The following CWC25 variants were observed in gnomAD, a reference collection of about 807,000 sequenced individuals.
CWC25 encodes the protein CWC25 spliceosome associated protein.
In CWC25, 31 loss-of-function variants were observed where a neutral mutation model predicts 54.6. That is an observed-to-expected ratio of 0.57 (90% CI 0.43 to 0.77). The LOEUF is 0.77. CWC25 is among the 30% of genes least tolerant of loss of function. CWC25 has a pLI of 0.00. For synonymous variants in CWC25, 151 were observed against 187.0 expected, an observed-to-expected ratio of 0.81 and a Z score of 1.57; for missense variants, 453 against 529.3, an observed-to-expected ratio of 0.86 and a Z score of 1.41.
chr17:38,804,799 CAAA>C (rs4042818), intron 8 of CWC25, among the ~76,000 whole-genome samples: 5,394 of 64,696 alleles, frequency 0.083, 230 homozygotes, highest in African/African-American at 0.25. Context: ...CAGAGCGAGA[CAAA>C]AAAAAAAAAA....
chr17:38,823,016 T>A (rs1169296904), intron 1 of CWC25, among the ~76,000 whole-genome samples: 4 of 151,680 alleles, frequency 2.6e-5, no homozygotes. Flanking sequence ...TTTTTTTGTA[T>A]TTTTAGTAGA....
In CWC25 at chr17:38,815,418, G is replaced by A. The variant is rs974593537; in HGVS notation, c.192-321C>T. On this transcript the variant is annotated intron_variant, in intron 2 of 9. Coordinates refer to ENST00000614790, the MANE Select transcript of CWC25 (RefSeq NM_017748.5). Reference sequence around the variant, plus strand: ...TAAAAATACAAAACATTAGCCAGGCGTGGTGGCGGACGCCTGTAATCCCAC... The same window carrying A: ...TAAAAATACAAAACATTAGCCAGGCATGGTGGCGGACGCCTGTAATCCCAC... Among the ~76,000 whole-genome samples the A allele has an allele frequency of 3.9e-5, 6 of 152,260 alleles. 1 individual carries two copies. The South Asian group carries it at 8.3e-4, about 21-fold the overall frequency.
chr17:38,814,255 GTATT>G (rs946483929), intron 3 of CWC25, among the ~76,000 whole-genome samples: 12 of 151,540 alleles, frequency 7.9e-5, no homozygotes, highest in Non-Finnish European at 8.8e-5. Context: ...CACTTTGACT[GTATT>G]TATTTATTTA....
At chr17:38,824,324 G>C (rs228257) in intron 1 of CWC25, among the ~76,000 whole-genome samples, 144,027 of 152,298 alleles carry the variant, frequency 0.95, 68,156 homozygotes, top group East Asian at 1. Flanking sequence ...TGCCACTACA[G>C]ATCAGAATCC....
At chr17:38,817,421 C>T (rs1911748553) in intron 2 of CWC25, among the ~76,000 whole-genome samples, 1 of 150,874 alleles carries the variant, frequency 6.6e-6, no homozygotes, top group Non-Finnish European at 1.5e-5. Context: ...GAGGCCTAGG[C>T]GGGCAGATCA....
chr17:38,804,860 A>G (rs189580928), intron 8 of CWC25, among the ~76,000 whole-genome samples: 2 of 149,330 alleles, frequency 1.3e-5, no homozygotes, highest in Non-Finnish European at 3.0e-5. Flanking sequence ...TAATCCCAGC[A>G]CTCTGGGAGG....
intron 1 of CWC25, among the ~76,000 whole-genome samples, chr17:38,824,516 G>A (rs1279647304): frequency 6.6e-6 from 1 of 151,970 alleles, no homozygotes; most frequent in African/African-American, 2.4e-5. Flanking sequence ...GAGAAACCCT[G>A]TCTCTACTAA....
chr17:38,816,394 C>T (rs1406699924), intron 2 of CWC25, among the ~76,000 whole-genome samples: 1 of 151,538 alleles, frequency 6.6e-6, no homozygotes, highest in Non-Finnish European at 1.5e-5. Context: ...TACAGGGATG[C>T]ACCACCATGC....
At chr17:38,802,283 T>TG in intron 9 of CWC25, 77 bp from the exon 10 acceptor site, 1 of 997,598 alleles carries the variant, frequency 1.0e-6, no homozygotes, top group Non-Finnish European at 1.5e-6. Context: ...TCAGAAGAAA[T>TG]GGGTTGTTAG....
In CWC25 at chr17:38,810,381, C is replaced by G. The variant is rs150489917; in HGVS notation, c.626+87G>C. ...ATGCCCAGTACCTGGCAGCTTCCAG[C>G]ACAGGGCAGGTGTTCATGTCTGTGG... is the stretch of plus-strand genomic sequence containing the variant. On this transcript the variant is annotated intron_variant, in intron 5 of 9. Transcript: ENST00000614790. 162 of 1,388,270 alleles carry G rather than the reference C, an allele frequency of 1.2e-4. No homozygotes were observed. In the African/African-American group the frequency reaches 1.9e-3, roughly 16 times the overall value. 86.0% of individuals were successfully genotyped at this position (1,388,270 alleles called of 1,614,324 possible).
At chr17:38,821,542 G>A (rs1567676410) in intron 1 of CWC25, among the ~76,000 whole-genome samples, 1 of 152,178 alleles carries the variant, frequency 6.6e-6, no homozygotes, top group Non-Finnish European at 1.5e-5. Context: ...CTGGGCGACA[G>A]AGCAAGACTC....
intron 6 of CWC25, among the ~76,000 whole-genome samples, chr17:38,808,496 T>C (rs1265064518): frequency 1.5e-5 from 2 of 134,394 alleles, no homozygotes; most frequent in Non-Finnish European, 3.3e-5. Context: ...TACAGAAATA[T>C]GAGGCCAGGC....
At chr17:38,815,161 C>T (rs1024046787) in intron 2 of CWC25, 64 bp from the exon 3 acceptor site, 1 of 1,425,620 alleles carries the variant, frequency 7.0e-7, no homozygotes, top group Admixed American at 1.9e-5. Context: ...AAACCTACAC[C>T]TAAAACCTGG....
At chr17:38,811,396 G>T (rs557077164) in intron 4 of CWC25, among the ~76,000 whole-genome samples, 36 of 152,138 alleles carry the variant, frequency 2.4e-4, no homozygotes, top group African/African-American at 8.2e-4. Flanking sequence ...AGCTGGGCAT[G>T]GTAGCAGGCG....
intron 8 of CWC25, among the ~76,000 whole-genome samples, chr17:38,805,369 C>T (rs148618530): frequency 3.3e-5 from 5 of 152,208 alleles, no homozygotes; most frequent in Non-Finnish European, 7.4e-5. Flanking sequence ...GAATATGTAG[C>T]TATGAAAAGA....
At chr17:38,822,850 A>ATTT (rs36069874) in intron 1 of CWC25, among the ~76,000 whole-genome samples, 13 of 139,508 alleles carry the variant, frequency 9.3e-5, no homozygotes, top group Non-Finnish European at 1.2e-4. Context: ...CGCCTGGCCA[A>ATTT]TTTTTTTTTT....
At chr17:38,802,647 G>T (rs980648751) in intron 9 of CWC25, 53 bp downstream of exon 9, 1 of 1,588,984 alleles carries the variant, frequency 6.3e-7, no homozygotes, top group African/African-American at 1.3e-5. Context: ...CTGCCAGCCT[G>T]CCTCTTAAGA....
intron 2 of CWC25, among the ~76,000 whole-genome samples, chr17:38,818,290 A>G (rs1487750607): frequency 1.3e-5 from 2 of 151,334 alleles, no homozygotes; most frequent in Non-Finnish European, 2.9e-5. Context: ...AATAAAATAA[A>G]ATAAATAACA....
Position 38,802,718 on chromosome 17 carries a change from C to G in CWC25, c.1145G>C (p.Arg382Pro). The change falls in exon 9 of 10, where the codon CGG (arginine) becomes CCG (proline). Residue 382 changes from arginine (R) to proline (P), a missense_variant. Arg to Pro is a moderately radical substitution (Grantham distance 103, BLOSUM62 -2). Coordinates refer to ENST00000614790, the MANE Select transcript of CWC25 (RefSeq NM_017748.5). ...REQRLEKLDSRDGKFIHRMKL... is the reference protein window; with the variant it reads ...REQRLEKLDSPDGKFIHRMKL... ...CACTCACTGGATGAACTTCCCATCC[C>G]GGGAGTCCAGCTTCTCTAGCCTCTG... 1 of 1,613,950 alleles carries G rather than the reference C, an allele frequency of 6.2e-7. No individual in the cohort carries two copies. The highest frequency in any genetic ancestry group is 8.5e-7 in the Non-Finnish European group (1 of 1,179,862).
Sources: allele counts gnomAD v4.1 joint callset (sites outside exome capture counted in the v4.1 genomes callset), GRCh38; gene constraint gnomAD v4.1.1; transcripts MANE v1.5; gene names NCBI Gene and HGNC (gene_info 2026-07-23, HGNC 2026-07-21).